Variants in SEMA3C observed in about 807,000 individuals in gnomAD.
The protein encoded by SEMA3C is semaphorin-3C.
In SEMA3C, 47 loss-of-function variants were observed where a neutral mutation model predicts 89.4. The observed-to-expected ratio is 0.53, with a 90% CI of 0.42 to 0.67. The LOEUF is 0.67. Ranked by LOEUF, SEMA3C falls within the 30% of genes least tolerant of loss-of-function variation. The pLI is 0.00. For missense variants in SEMA3C, 839 were observed against 929.1 expected (o/e 0.90, Z 1.26); for synonymous variants, 310 against 320.2 (o/e 0.97, Z 0.34).
chr7:80,806,294 T>G (rs1372534954), intron 6 of SEMA3C, among the ~76,000 whole-genome samples: 2 of 152,116 alleles, frequency 1.3e-5, no homozygotes, highest in Non-Finnish European at 2.9e-5. Flanking sequence ...TTAACACATA[T>G]TAAAATTTCT....
chr7:80,804,942 T>C (rs1789302368), intron 7 of SEMA3C, among the ~76,000 whole-genome samples: 1 of 152,094 alleles, frequency 6.6e-6, no homozygotes, highest in Admixed American at 6.6e-5. Flanking sequence ...TTCTCCAGGG[T>C]GAAATGACAA....
intron 4 of SEMA3C, among the ~76,000 whole-genome samples, chr7:80,822,450 T>C (rs777048225): frequency 1.3e-5 from 2 of 150,060 alleles, no homozygotes; most frequent in Non-Finnish European, 3.0e-5. Flanking sequence ...AACACAGACA[T>C]GAGAGTGCAG....
intron 1 of SEMA3C, 93 bp from the exon 2 acceptor site, chr7:80,916,912 A>C: frequency 9.9e-7 from 1 of 1,005,884 alleles, no homozygotes; most frequent in Non-Finnish European, 1.4e-6. Flanking sequence ...CTATTCACAA[A>C]AGAACCATCT....
chr7:80,856,721 C>A (rs1790651431), intron 2 of SEMA3C, among the ~76,000 whole-genome samples: 1 of 152,014 alleles, frequency 6.6e-6, no homozygotes, highest in South Asian at 2.1e-4. Flanking sequence ...ACTTCTGCTC[C>A]TAGATAAAAC....
chr7:80,748,845 T>G, intron 17 of SEMA3C, 53 bp downstream of exon 17: 1 of 1,525,112 alleles, frequency 6.6e-7, no homozygotes, highest in Non-Finnish European at 8.8e-7. Flanking sequence ...GGGACAGTGA[T>G]TTAATGTTCT....
upstream of SEMA3C, chr7:80,919,153 C>A (rs1364064872): frequency 4.1e-6 from 4 of 984,540 alleles, no homozygotes; most frequent in East Asian, 1.1e-4. Flanking sequence ...CCTGCAGGCT[C>A]GCATCACCAC....
Position 80,792,980 on chromosome 7 carries a change from C to G in SEMA3C, c.1132-3452G>C, listed in dbSNP as rs377487984. 1.6e-4 allele frequency among the ~76,000 whole-genome samples: 25 copies of G among 152,304 alleles called. No homozygotes were observed. In the South Asian group the frequency reaches 5.2e-3, roughly 32 times the overall value. ...TAATAAAACATGTTTATTGAAACTT[C>G]AAGATAACATAACATCTATGTGCTA... On this transcript the variant is annotated intron_variant, in intron 11 of 17. Coordinates refer to ENST00000265361, the MANE Select transcript of SEMA3C (RefSeq NM_006379.5).
chr7:80,918,042 T>C (rs1465313913), intron 1 of SEMA3C, among the ~76,000 whole-genome samples: 2 of 152,180 alleles, frequency 1.3e-5, no homozygotes, highest in Non-Finnish European at 1.5e-5. Flanking sequence ...TGGAGGAAAC[T>C]CTAGAGATGT....
intron 12 of SEMA3C, among the ~76,000 whole-genome samples, chr7:80,786,553 G>C (rs1788807219): frequency 6.6e-6 from 1 of 152,254 alleles, no homozygotes; most frequent in East Asian, 1.9e-4. Flanking sequence ...TCAGGAAAAA[G>C]AAAACTGTTT....
At chr7:80,848,751 A>T (rs781212864) in intron 2 of SEMA3C, among the ~76,000 whole-genome samples, 1 of 152,070 alleles carries the variant, frequency 6.6e-6, no homozygotes, top group Non-Finnish European at 1.5e-5. Context: ...CCATTCTTTC[A>T]TCTCATTTTA....
At chr7:80,807,644 T>C (rs1252942760) in intron 6 of SEMA3C, among the ~76,000 whole-genome samples, 1 of 152,192 alleles carries the variant, frequency 6.6e-6, no homozygotes, top group African/African-American at 2.4e-5. Flanking sequence ...ATGTAGGCTC[T>C]TTAAAAGATA....
intron 16 of SEMA3C, among the ~76,000 whole-genome samples, chr7:80,749,502 G>A (rs560987629): frequency 6.6e-6 from 1 of 152,244 alleles, no homozygotes; most frequent in Non-Finnish European, 1.5e-5. Context: ...TAAGCACTGG[G>A]AAAGGGCAGA....
At chr7:80,852,969 T>C (rs1233122190) in intron 2 of SEMA3C, among the ~76,000 whole-genome samples, 2 of 152,100 alleles carry the variant, frequency 1.3e-5, no homozygotes, top group Non-Finnish European at 2.9e-5. Context: ...TGAGCCACCG[T>C]GCCTGGACTG....
Position 80,759,247 on chromosome 7 carries a change from C to T in SEMA3C, c.1486-759G>A, listed in dbSNP as rs560204409. Among the ~76,000 whole-genome samples the T allele has an allele frequency of 5.3e-5, 8 of 152,260 alleles. No homozygotes were observed. In the East Asian group the frequency reaches 1.5e-3, roughly 29 times the overall value. On this transcript the variant is annotated intron_variant, in intron 14 of 17. Coordinates refer to ENST00000265361, the MANE Select transcript of SEMA3C (RefSeq NM_006379.5). ...ATGAGTCTCTAATTGATACTCCTTA[C>T]TTTCCAAAGGACTGATATAACTCAA...
At chr7:80,864,563 A>G (rs1434202891) in intron 2 of SEMA3C, among the ~76,000 whole-genome samples, 1 of 152,084 alleles carries the variant, frequency 6.6e-6, no homozygotes, top group African/African-American at 2.4e-5. Context: ...GACACAATGT[A>G]GAAGAAAAAA....
At chr7:80,826,302 C>T (rs1789871921) in intron 4 of SEMA3C, among the ~76,000 whole-genome samples, 1 of 152,080 alleles carries the variant, frequency 6.6e-6, no homozygotes, top group South Asian at 2.1e-4. Flanking sequence ...ATCTCTTGAC[C>T]CTACCACAAA....
At position 80,911,048 on chromosome 7, in the gene SEMA3C, G is replaced by A. The variant is rs78733664; in HGVS notation, c.103+5631C>T. 3.3e-5 allele frequency among the ~76,000 whole-genome samples: 5 copies of A among 152,088 alleles called. No individual in the cohort carries two copies. The East Asian group carries it at 7.7e-4, about 24-fold the overall frequency. On this transcript the variant is annotated intron_variant, in intron 2 of 17. Coordinates refer to ENST00000265361, the MANE Select transcript of SEMA3C (RefSeq NM_006379.5). Reference sequence around the variant, plus strand: ...AACAAAATAAACATGTTCCAGAGAGGTAATTCCCCTCATCTTCACCTTGAT... The same window carrying A: ...AACAAAATAAACATGTTCCAGAGAGATAATTCCCCTCATCTTCACCTTGAT...
intron 2 of SEMA3C, among the ~76,000 whole-genome samples, chr7:80,864,970 T>C (rs1332054578): frequency 3.3e-5 from 5 of 152,174 alleles, no homozygotes; most frequent in Admixed American, 6.5e-5. Context: ...CTCACATCTT[T>C]TTTGTTGCAT....
At chr7:80,807,101 T>C (rs1055043205) in intron 6 of SEMA3C, among the ~76,000 whole-genome samples, 1 of 152,140 alleles carries the variant, frequency 6.6e-6, no homozygotes, top group African/African-American at 2.4e-5. Flanking sequence ...TTTAGCTTCT[T>C]TAAAATTCTA....
Sources: gnomAD v4.1 joint callset for allele counts (sites outside exome capture counted in the v4.1 genomes callset) on GRCh38, gnomAD v4.1.1 for gene constraint, MANE v1.5 for transcripts, NCBI Gene and HGNC (gene_info 2026-07-23, HGNC 2026-07-21) for gene names.